SEPTIN9: variants seen among roughly 807,000 people sequenced by gnomAD.
SEPTIN9 encodes the protein septin 9.
In SEPTIN9, 13 loss-of-function variants were observed where a neutral mutation model predicts 56.6. The ratio of observed to expected loss-of-function variants is 0.23; its 90% CI spans 0.15 to 0.37. The LOEUF is 0.37. SEPTIN9 is among the 10% of genes least tolerant of loss of function. The pLI is 1.00. For missense variants in SEPTIN9, 650 were observed against 823.1 expected, an observed-to-expected ratio of 0.79 and a Z score of 2.57; for synonymous variants, 332 against 334.1, an observed-to-expected ratio of 0.99 and a Z score of 0.07.
chr17:77,482,479 T>C, intron 4 of SEPTIN9, 144 bp downstream of exon 4: 1 of 855,652 alleles, frequency 1.2e-6, no homozygotes, highest in East Asian at 2.6e-5. Flanking sequence ...GCCAGTGACA[T>C]TGCGTGTGCA....
At chr17:77,344,946 T>A (rs1244635684) in intron 2 of SEPTIN9, among the ~76,000 whole-genome samples, 1 of 118,392 alleles carries the variant, frequency 8.4e-6, no homozygotes, top group South Asian at 2.7e-4. Flanking sequence ...CACTCCAGCT[T>A]GGGCGACAGA....
At chr17:77,415,535 G>A (rs889292435) in intron 3 of SEPTIN9, among the ~76,000 whole-genome samples, 1 of 151,482 alleles carries the variant, frequency 6.6e-6, no homozygotes, top group African/African-American at 2.4e-5. Flanking sequence ...TTGATTCCAG[G>A]AGGCAGAGCT....
intron 2 of SEPTIN9, among the ~76,000 whole-genome samples, chr17:77,391,545 C>T (rs755914838): frequency 7.2e-5 from 11 of 152,214 alleles, no homozygotes; most frequent in Non-Finnish European, 1.3e-4. Context: ...CACCTTGAGA[C>T]CCTTACCTTA....
intron 2 of SEPTIN9, among the ~76,000 whole-genome samples, chr17:77,357,781 C>G (rs763319155): frequency 6.6e-6 from 1 of 152,148 alleles, no homozygotes; most frequent in East Asian, 1.9e-4. Flanking sequence ...CACCCAGCTT[C>G]ATTTTCAAAA....
chr17:77,366,954 C>T (rs537286910), intron 2 of SEPTIN9, among the ~76,000 whole-genome samples: 8 of 152,180 alleles, frequency 5.3e-5, no homozygotes, highest in Non-Finnish European at 1.2e-4. Context: ...GAGCTCAGGC[C>T]GCTGTGGTCA....
At chr17:77,385,705 G>A (rs78786649) in intron 2 of SEPTIN9, among the ~76,000 whole-genome samples, 4,374 of 152,256 alleles carry the variant, frequency 0.029, 93 homozygotes, top group Non-Finnish European at 0.045. Flanking sequence ...TGGTTTTCTC[G>A]TGCTCCAGGC....
intron 2 of SEPTIN9, among the ~76,000 whole-genome samples, chr17:77,354,566 C>T (rs774488553): frequency 5.3e-5 from 8 of 152,122 alleles, no homozygotes; most frequent in South Asian, 2.1e-4. Flanking sequence ...TGGAGGCTGC[C>T]GGAGCCCCTC....
chr17:77,373,453 T>G (rs899518094), intron 2 of SEPTIN9: 3 of 1,492,480 alleles, frequency 2.0e-6, no homozygotes, highest in South Asian at 2.5e-5. Context: ...CCGGGGGCGC[T>G]TCCTCGCCGC....
intron 1 of SEPTIN9, among the ~76,000 whole-genome samples, chr17:77,283,560 G>T (rs942047052): frequency 1.1e-4 from 16 of 152,152 alleles, no homozygotes; most frequent in Non-Finnish European, 1.9e-4. Context: ...AGCAGCAAAA[G>T]ATGTTAAAAA....
intron 10 of SEPTIN9, among the ~76,000 whole-genome samples, chr17:77,495,001 C>T (rs1284858050): frequency 6.6e-6 from 1 of 152,246 alleles, no homozygotes; most frequent in Admixed American, 6.5e-5. Flanking sequence ...CTCTTCCTCT[C>T]TGCCCAAAGA....
chr17:77,292,109 G>A (rs139270367), intron 1 of SEPTIN9, among the ~76,000 whole-genome samples: 6 of 152,208 alleles, frequency 3.9e-5, no homozygotes, highest in South Asian at 2.1e-4. Context: ...CCCTCAAGAC[G>A]CATCTGTACC....
intron 3 of SEPTIN9, among the ~76,000 whole-genome samples, chr17:77,443,754 C>T (rs151163150): frequency 1.4e-4 from 21 of 151,506 alleles, no homozygotes; most frequent in African/African-American, 3.4e-4. Context: ...GCTGAGATCG[C>T]GCCACTACAC....
chr17:77,408,119 G>T (rs912360602), intron 3 of SEPTIN9, among the ~76,000 whole-genome samples: 2 of 152,216 alleles, frequency 1.3e-5, no homozygotes, highest in Non-Finnish European at 2.9e-5. Context: ...AGGGAGGCCA[G>T]GCCCAGTGCC....
chr17:77,405,093 T>C lies in SEPTIN9; in HGVS notation c.721+2390T>C, dbSNP rs1462869963. On this transcript the variant is annotated intron_variant, in intron 3 of 11. Transcript: ENST00000427177. This position sits in a 1 kb window ranked among gnomAD's most constrained non-coding sequence, Gnocchi z 5.8. ...CACCGAGCCATCTAAATCTCGGTGATGGCTGGTGCTGGATGCACAGGGACG... is the reference window on the plus strand; with the variant it reads ...CACCGAGCCATCTAAATCTCGGTGACGGCTGGTGCTGGATGCACAGGGACG... 6.5e-7 allele frequency: 1 copy of C among 1,535,400 alleles called. No homozygotes were observed. The highest frequency in any genetic ancestry group is 2.0e-5 in the Admixed American group (1 of 50,980).
In SEPTIN9 at chr17:77,449,272, G is replaced by T. The variant is rs1016063116; in HGVS notation, c.722-32872G>T. 2.6e-5 allele frequency among the ~76,000 whole-genome samples: 4 copies of T among 152,114 alleles called. No homozygotes were observed. The highest frequency in any genetic ancestry group is 5.9e-5 in the Non-Finnish European group (4 of 68,024). On this transcript the variant is annotated intron_variant, in intron 3 of 11. Transcript: ENST00000427177. This position sits in a 1 kb window ranked among gnomAD's most constrained non-coding sequence, Gnocchi z 4.6. ...TGCTGAAGGACAGAGGCTTTGTGTG[G>T]GGGATGCAGCCCCAGGCCGGAGATG... is the stretch of plus-strand genomic sequence containing the variant.
At chr17:77,324,746 A>G (rs933734952) in intron 2 of SEPTIN9, among the ~76,000 whole-genome samples, 12 of 151,778 alleles carry the variant, frequency 7.9e-5, no homozygotes, top group Non-Finnish European at 1.2e-4. Context: ...TACTAATCCC[A>G]TATCTGACCT....
At chr17:77,325,244 G>A (rs1426476376) in intron 2 of SEPTIN9, among the ~76,000 whole-genome samples, 2 of 152,178 alleles carry the variant, frequency 1.3e-5, no homozygotes, top group Non-Finnish European at 2.9e-5. Context: ...CTTTTCCCCT[G>A]TGTTTTCTTC....
intron 2 of SEPTIN9, among the ~76,000 whole-genome samples, chr17:77,346,278 C>CTTTTTTTGTTTTTTTTTTTTTT (rs2033889927): frequency 2.2e-5 from 1 of 46,290 alleles, no homozygotes; most frequent in African/African-American, 7.7e-5. Context: ...ATCCTTAGGT[C>CTTTTTTTGTTTTTTTTTTTTTT]TTTTTTTTTT....
At chr17:77,422,110 G>A (rs573227391) in intron 3 of SEPTIN9, among the ~76,000 whole-genome samples, 182 of 152,228 alleles carry the variant, frequency 1.2e-3, no homozygotes, top group African/African-American at 4.2e-3. Context: ...CTCCTGCCTT[G>A]GCCTGCCAAA....
Sources: gnomAD v4.1 joint callset for allele counts (sites outside exome capture counted in the v4.1 genomes callset) on GRCh38, gnomAD v4.1.1 for gene constraint, Gnocchi (gnomAD v3.1) non-coding constraint, MANE v1.5 for transcripts, NCBI Gene and HGNC (gene_info 2026-07-23, HGNC 2026-07-21) for gene names.